MSTO1: variants seen among roughly 807,000 people sequenced by gnomAD.
MSTO1 encodes the protein protein misato homolog 1.
MSTO1 carries 24 observed loss-of-function variants against 55.7 expected under a neutral mutation model. That is an observed-to-expected ratio of 0.43 (90% confidence interval 0.31 to 0.61). The LOEUF is 0.61. MSTO1 is among the 20% of genes least tolerant of loss of function. The pLI is 0.09. For missense variants in MSTO1, 363 were observed against 625.7 expected, an observed-to-expected ratio of 0.58 and a Z score of 4.48; for synonymous variants, 162 against 252.8, an observed-to-expected ratio of 0.64 and a Z score of 3.41.
the MSTO1 span, among the ~76,000 whole-genome samples, chr1:155,595,390 G>C: frequency 6.6e-6 from 1 of 151,916 alleles, no homozygotes; most frequent in African/African-American, 2.4e-5. Flanking sequence ...GCGCTAGCCA[G>C]GATTGTCTCG....
the MSTO1 span, among the ~76,000 whole-genome samples, chr1:155,568,961 C>T: frequency 6.7e-6 from 1 of 149,842 alleles, no homozygotes; most frequent in Non-Finnish European, 1.5e-5. Context: ...AAGTGATTCT[C>T]CTCCTGCCTC....
At chr1:155,604,896 T>A in the MSTO1 span, among the ~76,000 whole-genome samples, 1 of 151,638 alleles carries the variant, frequency 6.6e-6, no homozygotes, top group African/African-American at 2.4e-5. Flanking sequence ...AAATTAAATA[T>A]TTAAAAATAT....
the MSTO1 span, among the ~76,000 whole-genome samples, chr1:155,580,151 C>G: frequency 1.3e-5 from 2 of 150,482 alleles, no homozygotes; most frequent in East Asian, 3.9e-4. Flanking sequence ...CCCAACTACT[C>G]GTGAGGCTGA....
rs771965165 is a variant in MSTO1, at chr1:155,612,571, G to A, written c.966+1G>A. ...CAGCTTCCCTTACCTGCATTATGAT[G>A]TAAGTCTCGGTGCTCTTGTTCTGAC... On this transcript the variant is annotated splice_donor_variant, in intron 9 of 13. Coordinates refer to ENST00000245564, the MANE Select transcript of MSTO1 (RefSeq NM_018116.4). LOFTEE classifies it high-confidence loss of function. 19 of 1,607,722 alleles carry A rather than the reference G, an allele frequency of 1.2e-5. No homozygotes were observed. Among genetic ancestry groups the A allele is most frequent in the Non-Finnish European group, 1.3e-5 (15 of 1,178,180 alleles).
chr1:155,609,844 C>T (rs930048434), upstream of MSTO1: 12 of 212,288 alleles, frequency 5.7e-5, no homozygotes, highest in Non-Finnish European at 1.1e-4. Flanking sequence ...TTCCGCTTTT[C>T]TGGCAAGGTT....
At chr1:155,570,610 CTA>C in the MSTO1 span, among the ~76,000 whole-genome samples, 37 of 152,284 alleles carry the variant, frequency 2.4e-4, no homozygotes, top group South Asian at 7.5e-3. Flanking sequence ...GAGCACGGTA[CTA>C]TGAGATATTT....
chr1:155,573,934 G>A, the MSTO1 span, among the ~76,000 whole-genome samples: 131 of 151,954 alleles, frequency 8.6e-4, no homozygotes, highest in Non-Finnish European at 1.6e-3. Flanking sequence ...GAATGAGATC[G>A]ATGTGGATAT....
At chr1:155,579,392 C>T in the MSTO1 span, among the ~76,000 whole-genome samples, 1 of 152,038 alleles carries the variant, frequency 6.6e-6, no homozygotes, top group East Asian at 1.9e-4. Flanking sequence ...ATGGAAGCTA[C>T]AAGGAGACAT....
chr1:155,598,814 A>G, the MSTO1 span: 1 of 1,259,382 alleles, frequency 7.9e-7, no homozygotes, highest in Non-Finnish European at 1.2e-6. Context: ...TTAACAACAT[A>G]TATTTTAGAT....
the MSTO1 span, among the ~76,000 whole-genome samples, chr1:155,578,327 A>ACTAC: frequency 2.9e-5 from 3 of 103,666 alleles, no homozygotes; most frequent in Admixed American, 1.1e-4. Context: ...GAGGACCATA[A>ACTAC]CTACCTTTCT....
chr1:155,583,004 T>G, the MSTO1 span, among the ~76,000 whole-genome samples: 1 of 150,906 alleles, frequency 6.6e-6, no homozygotes, highest in Non-Finnish European at 1.5e-5. Context: ...TAGCTGAGAC[T>G]ACAGGCACAG....
intron 9 of MSTO1, 133 bp downstream of exon 9, chr1:155,612,703 T>A (rs1674523179): frequency 2.1e-6 from 3 of 1,395,678 alleles, no homozygotes; most frequent in African/African-American, 1.4e-5. Flanking sequence ...GCCTCTCAGA[T>A]CACACTGTCC....
the MSTO1 span, among the ~76,000 whole-genome samples, chr1:155,575,478 G>C: frequency 6.6e-6 from 1 of 151,574 alleles, no homozygotes; most frequent in East Asian, 1.9e-4. Flanking sequence ...GTCTCACTCT[G>C]TTGCCCCCGG....
the MSTO1 span, chr1:155,563,718 C>T: frequency 2.2e-5 from 8 of 366,872 alleles, no homozygotes; most frequent in South Asian, 1.4e-4. Flanking sequence ...TTGTTAGTTC[C>T]TTATCAAAAA....
the MSTO1 span, chr1:155,563,614 C>G: frequency 6.6e-6 from 3 of 456,062 alleles, no homozygotes; most frequent in East Asian, 2.1e-4. Context: ...TCTTCAGCCT[C>G]GTTAGACAGC....
the MSTO1 span, chr1:155,586,657 G>T: frequency 1.9e-6 from 1 of 513,518 alleles, no homozygotes. Context: ...AAGAGTACAA[G>T]GACAATGCTG....
At chr1:155,581,887 C>T in the MSTO1 span, among the ~76,000 whole-genome samples, 2 of 150,398 alleles carry the variant, frequency 1.3e-5, no homozygotes, top group African/African-American at 2.4e-5. Context: ...TCCGCATCCC[C>T]GGTGCAAGCG....
the MSTO1 span, among the ~76,000 whole-genome samples, chr1:155,601,109 G>A: frequency 6.7e-6 from 1 of 149,056 alleles, no homozygotes; most frequent in Admixed American, 6.8e-5. Context: ...TTGAGCCACC[G>A]CACCCAGCCT....
chr1:155,601,345 C>T, the MSTO1 span, among the ~76,000 whole-genome samples: 242 of 151,838 alleles, frequency 1.6e-3, no homozygotes, highest in African/African-American at 5.7e-3. Context: ...CCATGTTGGC[C>T]AGGCTGATTT....
Sources: allele counts gnomAD v4.1 joint callset (sites outside exome capture counted in the v4.1 genomes callset), GRCh38; gene constraint gnomAD v4.1.1; transcripts MANE v1.5; gene names NCBI Gene and HGNC (gene_info 2026-07-23, HGNC 2026-07-21).